Variants in TENM3 observed in about 807,000 individuals in gnomAD.
TENM3 encodes teneurin transmembrane protein 3.
In TENM3, 63 loss-of-function variants were observed where a neutral mutation model predicts 255.1. The ratio of observed to expected loss-of-function variants is 0.25; its 90% CI spans 0.20 to 0.30. The LOEUF (loss-of-function observed/expected upper bound fraction) is 0.30, where lower values mean the gene tolerates loss of function less well. Among genes scored for constraint, TENM3 ranks in the 10% least tolerant of loss-of-function variants. TENM3 has a pLI of 1.00. For missense variants in TENM3, 2,929 were observed against 3,461.1 expected, an observed-to-expected ratio of 0.85 and a Z score of 3.86; for synonymous variants, 1,306 against 1,322.3, an observed-to-expected ratio of 0.99 and a Z score of 0.27.
At chr4:181,929,406 A>C in the TENM3 span, among the ~76,000 whole-genome samples, 2 of 152,182 alleles carry the variant, frequency 1.3e-5, no homozygotes, top group Admixed American at 6.5e-5. Context: ...AACAGACTTT[A>C]AACCAGCAAA....
At chr4:181,627,393 T>C in the TENM3 span, among the ~76,000 whole-genome samples, 1 of 152,192 alleles carries the variant, frequency 6.6e-6, no homozygotes, top group African/African-American at 2.4e-5. Context: ...TGTGCAGGTT[T>C]GTTACATATG....
chr4:182,041,929 T>C, the TENM3 span, among the ~76,000 whole-genome samples: 27 of 152,358 alleles, frequency 1.8e-4, no homozygotes, highest in African/African-American at 6.3e-4. Flanking sequence ...AATTTGGTTC[T>C]CATACTATTT....
intron 3 of TENM3, among the ~76,000 whole-genome samples, chr4:182,578,800 T>C (rs1201288695): frequency 6.6e-6 from 1 of 152,154 alleles, no homozygotes; most frequent in African/African-American, 2.4e-5. Context: ...TGGCCCCACT[T>C]TATCTATCCA....
chr4:181,619,615 G>A, the TENM3 span, among the ~76,000 whole-genome samples: 4 of 151,866 alleles, frequency 2.6e-5, no homozygotes, highest in Admixed American at 6.6e-5. Flanking sequence ...ATTTTGTAGA[G>A]ACGGGGTCTC....
At chr4:182,659,994 A>T (rs993683483) in intron 6 of TENM3, among the ~76,000 whole-genome samples, 6 of 152,212 alleles carry the variant, frequency 3.9e-5, no homozygotes, top group African/African-American at 1.4e-4. Context: ...CATTGTGCCT[A>T]AGTGGTCTCA....
At chr4:181,617,859 A>C in the TENM3 span, among the ~76,000 whole-genome samples, 1 of 152,180 alleles carries the variant, frequency 6.6e-6, no homozygotes, top group Non-Finnish European at 1.5e-5. Context: ...GATTTCTACA[A>C]AGACAGATAC....
Position 182,731,102 on chromosome 4 carries a change from C to A in TENM3, c.2930C>A (p.Ser977Tyr). The change falls in exon 16 of 28, where the codon TCT becomes TAT. Residue 977 changes from serine (S) to tyrosine (Y), a missense_variant. Ser to Tyr is a moderately radical substitution (Grantham distance 144, BLOSUM62 -2). Around this residue, in one of 6 missense-constraint regions of TENM3, gnomAD observed 1,608 missense variants for 1,884.4 expected, o/e 0.85. Transcript: ENST00000511685. ...VSSPLSTFFR[S>Y]SPEDSPIIPE... ...TCACCTTTATCCACCTTTTTCAGAT[C>A]TTCTCCTGAAGACAGTCCCATCATT... 1 of 1,613,836 alleles carries A rather than the reference C, an allele frequency of 6.2e-7. No individual in the cohort carries two copies. Among genetic ancestry groups the A allele is most frequent in the Middle Eastern group, 1.6e-4 (1 of 6,062 alleles).
At chr4:181,808,446 T>G in the TENM3 span, among the ~76,000 whole-genome samples, 4 of 152,108 alleles carry the variant, frequency 2.6e-5, no homozygotes, top group African/African-American at 9.7e-5. Flanking sequence ...AGGAAAAAAA[T>G]TCTAGTAGAA....
At position 182,711,640 on chromosome 4, in the gene TENM3, A is replaced by G. The variant is rs1758753534; in HGVS notation, c.2222-2447A>G. 4 of 834,924 alleles carry G rather than the reference A, an allele frequency of 4.8e-6. No homozygotes were observed. In the Admixed American group the frequency reaches 2.5e-4, roughly 52 times the overall value. 51.7% of individuals were successfully genotyped at this position (834,924 alleles called of 1,614,324 possible). A position where few individuals can be genotyped will look rare whatever the true frequency, so the allele number is the denominator to read the frequency against. On this transcript the variant is annotated intron_variant, in intron 12 of 27. Coordinates refer to ENST00000511685, the MANE Select transcript of TENM3 (RefSeq NM_001080477.4). The stretch of plus-strand genomic sequence containing the variant: ...GCTCTTTGTTGACATATCTACATAT[A>G]TATCTCTATATAACTGTATATCACT...
At chr4:182,659,144 G>A (rs1369949029) in intron 6 of TENM3, among the ~76,000 whole-genome samples, 1 of 152,192 alleles carries the variant, frequency 6.6e-6, no homozygotes, top group East Asian at 1.9e-4. Flanking sequence ...GATGGAAGAT[G>A]CTGTTGTGGC....
In TENM3 at chr4:182,659,536, A is replaced by G. The variant is rs115862820; in HGVS notation, c.1111+5643A>G. On this transcript the variant is annotated intron_variant, in intron 6 of 27. Transcript: ENST00000511685. ...ACCCTATGGATAAGAAGGGATTCCT[A>G]TATTAGGAAATGGCACCGTCGTTCA... is the stretch of plus-strand genomic sequence containing the variant. Among the ~76,000 whole-genome samples the G allele has an allele frequency of 1.0e-2, 1,517 of 152,248 alleles. 20 individuals carry two copies. The highest frequency in any genetic ancestry group is 0.035 in the African/African-American group (1,442 of 41,544).
At chr4:181,904,339 G>A in the TENM3 span, among the ~76,000 whole-genome samples, 1 of 152,038 alleles carries the variant, frequency 6.6e-6, no homozygotes, top group Admixed American at 6.6e-5. Flanking sequence ...AGCAGATCAT[G>A]TAACTTACAA....
intron 13 of TENM3, among the ~76,000 whole-genome samples, chr4:182,723,376 G>A (rs1561160388): frequency 6.6e-6 from 1 of 152,152 alleles, no homozygotes; most frequent in Non-Finnish European, 1.5e-5. Context: ...AATATTACAT[G>A]GGAATTTCTA....
chr4:181,634,071 A>C, the TENM3 span, among the ~76,000 whole-genome samples: 1 of 152,228 alleles, frequency 6.6e-6, no homozygotes, highest in African/African-American at 2.4e-5. Flanking sequence ...CATCGATGGT[A>C]GGTAGCATTT....
chr4:182,443,254 A>T (rs1277200041), intron 3 of TENM3, among the ~76,000 whole-genome samples: 1 of 152,158 alleles, frequency 6.6e-6, no homozygotes, highest in Non-Finnish European at 1.5e-5. Context: ...TGCCAAGCAT[A>T]GACACATACT....
At chr4:181,825,917 G>A in the TENM3 span, among the ~76,000 whole-genome samples, 8 of 152,182 alleles carry the variant, frequency 5.3e-5, no homozygotes, top group East Asian at 1.9e-4. Flanking sequence ...TATCTGCATC[G>A]TCACATTTCT....
At chr4:181,817,173 G>A in the TENM3 span, among the ~76,000 whole-genome samples, 1 of 152,228 alleles carries the variant, frequency 6.6e-6, no homozygotes, top group East Asian at 1.9e-4. Context: ...AAAAGTTTAG[G>A]ATTACTTTAA....
the TENM3 span, among the ~76,000 whole-genome samples, chr4:181,673,973 C>T: frequency 1.1e-4 from 16 of 151,612 alleles, no homozygotes; most frequent in African/African-American, 3.2e-4. Context: ...AGGAGTATGG[C>T]GAATTTCTTT....
upstream of TENM3, among the ~76,000 whole-genome samples, chr4:182,140,787 G>A (rs1262747273): frequency 6.6e-6 from 1 of 152,310 alleles, no homozygotes; most frequent in Admixed American, 6.5e-5. Flanking sequence ...GACCCCAAAG[G>A]GGAGAAAGGG....
Sources: allele counts gnomAD v4.1 joint callset (sites outside exome capture counted in the v4.1 genomes callset), GRCh38; gene constraint gnomAD v4.1.1; regional missense constraint gnomAD v4.1.1; transcripts MANE v1.5; gene names NCBI Gene and HGNC (gene_info 2026-07-23, HGNC 2026-07-21).